Variants in ART3 observed in about 807,000 individuals in gnomAD.
ART3 encodes ecto-ADP-ribosyltransferase 3.
Under a neutral mutation model 48.5 loss-of-function variants are expected in ART3, and 49 were observed. The observed-to-expected ratio is 1.01, with a 90% CI of 0.80 to 1.28. ART3 has a LOEUF of 1.28. Ranked by LOEUF, ART3 falls within the 50% of genes most tolerant of loss-of-function variation. ART3 has a pLI of 0.00. For missense variants in ART3, 438 were observed against 454.3 expected (o/e 0.96, Z 0.33); for synonymous variants, 145 against 157.2 (o/e 0.92, Z 0.58).
rs188846254 is a variant in ART3, at chr4:76,101,510, A to G, written c.937+491A>G. 1.4e-4 allele frequency among the ~76,000 whole-genome samples: 22 copies of G among 152,148 alleles called. No homozygotes were observed. In the East Asian group the frequency reaches 3.3e-3, roughly 23 times the overall value. The stretch of plus-strand genomic sequence containing the variant: ...TGGCCGGGCGGGGTGGCTCACGCCT[A>G]TAATCCCAGCACTTTGGGAGGCCAA... On this transcript the variant is annotated intron_variant, in intron 8 of 11. Transcript: ENST00000355810.
In ART3 at chr4:76,075,529, C is replaced by G. The variant is rs186544168; in HGVS notation, c.-9-352C>G. ...GTTTTTTAGTCTGATTGTGTTATTT[C>G]CTGTGCACGCTGAGGGGAGATTTAG... On this transcript the variant is annotated intron_variant, in intron 1 of 11. Coordinates refer to ENST00000355810, the MANE Select transcript of ART3 (RefSeq NM_001130016.3). Among the ~76,000 whole-genome samples, 33 of 152,236 alleles carry G rather than the reference C, an allele frequency of 2.2e-4. No individual in the cohort carries two copies. The East Asian group carries it at 5.8e-3, about 27-fold the overall frequency.
intron 1 of ART3, among the ~76,000 whole-genome samples, chr4:76,043,816 G>A (rs1215019681): frequency 4.6e-5 from 7 of 151,530 alleles, no homozygotes; most frequent in Non-Finnish European, 7.4e-5. Flanking sequence ...AGCAAGCGAG[G>A]GCTGTGAGGA....
chr4:76,091,391 C>T (rs192375870), intron 3 of ART3, among the ~76,000 whole-genome samples: 3 of 152,342 alleles, frequency 2.0e-5, no homozygotes, highest in East Asian at 3.9e-4. Context: ...AGCTATACCA[C>T]ATTCTTGCCG....
chr4:76,068,879 C>T (rs1308475862), intron 1 of ART3, among the ~76,000 whole-genome samples: 1 of 152,312 alleles, frequency 6.6e-6, no homozygotes, highest in East Asian at 1.9e-4. Flanking sequence ...TGAGGTCTCA[C>T]TGTGTTGCCC....
chr4:76,038,939 T>C (rs1267152209), intron 1 of ART3, among the ~76,000 whole-genome samples: 1 of 152,014 alleles, frequency 6.6e-6, no homozygotes, highest in African/African-American at 2.4e-5. Context: ...GCCAAGCTGG[T>C]CTTGAACTCC....
intron 2 of ART3, among the ~76,000 whole-genome samples, chr4:76,079,029 C>T (rs1335712282): frequency 6.6e-6 from 1 of 151,846 alleles, no homozygotes; most frequent in Non-Finnish European, 1.5e-5. Context: ...TGCAGTGAGC[C>T]GAAATAGTGC....
At chr4:76,024,162 T>C (rs908928184) in intron 1 of ART3, among the ~76,000 whole-genome samples, 4 of 152,196 alleles carry the variant, frequency 2.6e-5, no homozygotes, top group Admixed American at 2.6e-4. Context: ...TAAAACAAGT[T>C]TCACGTCTTA....
At chr4:76,074,412 C>G (rs1269939046), upstream of ART3, among the ~76,000 whole-genome samples, 1 of 152,006 alleles carries the variant, frequency 6.6e-6, no homozygotes. Context: ...AATCACTTAG[C>G]CTAGAGTAAA....
chr4:76,104,429 A>G, intron 9 of ART3, 168 bp from the exon 10 acceptor site: 1 of 985,382 alleles, frequency 1.0e-6, no homozygotes, highest in Non-Finnish European at 1.2e-6. Context: ...CATGGTGTGG[A>G]TTTGTATAAT....
chr4:76,077,806 C>T (rs1721465460), intron 2 of ART3, among the ~76,000 whole-genome samples: 5 of 152,174 alleles, frequency 3.3e-5, no homozygotes, highest in Admixed American at 3.3e-4. Flanking sequence ...CATGGTATTA[C>T]AATCCCACCA....
At chr4:76,039,956 A>G (rs1462463772) in intron 1 of ART3, among the ~76,000 whole-genome samples, 1 of 152,238 alleles carries the variant, frequency 6.6e-6, no homozygotes. Context: ...CCCAAGGATA[A>G]CAAGGGGACT....
At chr4:76,094,690 C>G (rs1187166462) in intron 3 of ART3, among the ~76,000 whole-genome samples, 1 of 152,162 alleles carries the variant, frequency 6.6e-6, no homozygotes, top group Non-Finnish European at 1.5e-5. Context: ...GGAATAGACA[C>G]TATTCTTGAC....
intron 1 of ART3, chr4:76,022,951 C>T (rs1733005536): frequency 1.3e-6 from 1 of 795,516 alleles, no homozygotes. Flanking sequence ...AGGAATGGAT[C>T]ACATCATAAC....
intron 1 of ART3, among the ~76,000 whole-genome samples, chr4:76,046,669 G>A (rs1421406676): frequency 2.0e-5 from 3 of 151,944 alleles, no homozygotes; most frequent in African/African-American, 7.2e-5. Flanking sequence ...GTAGGGGACA[G>A]CAAATGGGTA....
intron 10 of ART3, chr4:76,106,089 ATAT>A (rs1728409859): frequency 2.0e-6 from 2 of 985,324 alleles, no homozygotes; most frequent in Non-Finnish European, 2.4e-6. Flanking sequence ...AATACGATAA[ATAT>A]TATTGACACT....
At position 76,047,453 on chromosome 4, in the gene ART3, AGT is replaced by A. The variant is rs1361843820; in HGVS notation, c.-9-28426_-9-28425del. Reference sequence around the variant, plus strand: ...TGATTGGGTAATAAACTTACCCCCGAGTGATTCAGGTGACAGGGGAGTATATT... The same window carrying A: ...TGATTGGGTAATAAACTTACCCCCGAGATTCAGGTGACAGGGGAGTATATT... On this transcript the variant is annotated intron_variant, in intron 1 of 9. Transcript: ENST00000341029. 3.9e-5 allele frequency among the ~76,000 whole-genome samples: 6 copies of A among 151,944 alleles called. No homozygotes were observed. In the East Asian group the frequency reaches 1.2e-3, roughly 29 times the overall value.
intron 2 of ART3, among the ~76,000 whole-genome samples, chr4:76,076,746 AT>A (rs1434609247): frequency 6.6e-6 from 1 of 151,558 alleles, no homozygotes; most frequent in East Asian, 1.9e-4. Context: ...ATTTTCCCAC[AT>A]TTTTTTTCTG....
At chr4:76,018,883 CA>C (rs1454466076) in intron 1 of ART3, among the ~76,000 whole-genome samples, 2 of 150,946 alleles carry the variant, frequency 1.3e-5, no homozygotes, top group African/African-American at 2.4e-5. Flanking sequence ...CCAAAAATAC[CA>C]AAAAAAATTT....
In ART3 at chr4:76,100,829, G is replaced by C; in HGVS notation, c.907+5G>C. The C allele has an allele frequency of 6.2e-7, 1 of 1,608,748 alleles. No individual in the cohort carries two copies. Among genetic ancestry groups the C allele is most frequent in the Non-Finnish European group, 8.5e-7 (1 of 1,178,924 alleles). Reference sequence around the variant, plus strand: ...ACTGGAAGCTTGAAGACCATGGTAAGACATTTTTTATAAATTCTGGGGGCT... The same window carrying C: ...ACTGGAAGCTTGAAGACCATGGTAACACATTTTTTATAAATTCTGGGGGCT... On this transcript the variant is annotated splice_donor_5th_base_variant and intron_variant, in intron 7 of 11. Coordinates refer to ENST00000355810, the MANE Select transcript of ART3 (RefSeq NM_001130016.3).
Sources: allele counts gnomAD v4.1 joint callset (sites outside exome capture counted in the v4.1 genomes callset), GRCh38; gene constraint gnomAD v4.1.1; transcripts MANE v1.5; gene names NCBI Gene and HGNC (gene_info 2026-07-23, HGNC 2026-07-21).